GSTM4: variants seen among roughly 807,000 people sequenced by gnomAD.
GSTM4 encodes the protein glutathione S-transferase mu 4, also known as GST class-mu 4.
A neutral mutation model predicts 30.1 loss-of-function variants in GSTM4; 27 were observed. The ratio of observed to expected loss-of-function variants is 0.90; its 90% CI spans 0.66 to 1.24. The LOEUF (loss-of-function observed/expected upper bound fraction) is 1.24. GSTM4 is among the 50% of genes most tolerant of loss of function. The pLI is 0.00. For synonymous variants in GSTM4, 94 were observed against 96.2 expected (o/e 0.98, Z 0.13); for missense variants, 238 against 272.1 (o/e 0.87, Z 0.88).
chr1:109,657,738 T>C (rs560018), intron 4 of GSTM4, 34 bp from the exon 5 acceptor site: 518,775 of 1,613,966 alleles, frequency 0.32, 90,313 homozygotes, highest in Non-Finnish European at 0.37. Context: ...TGGGGTGCTA[T>C]GCTCAGAGTG....
Position 109,657,670 on chromosome 1 carries a change from G to A in GSTM4, c.258G>A (p.Leu86=), listed in dbSNP as rs1191605497. The A allele has an allele frequency of 6.2e-7, 1 of 1,614,260 alleles. No individual in the cohort carries two copies. Among genetic ancestry groups the A allele is most frequent in the Admixed American group, 1.7e-5 (1 of 60,030 alleles). Residue 86 remains leucine, a splice_region_variant and synonymous_variant, in exon 4 of 8, where the codon CTG becomes CTA. Coordinates refer to ENST00000369836, the MANE Select transcript of GSTM4 (RefSeq NM_000850.5). ...ILCYIARKHN[L]CGETEEEKIR... ...GCTACATTGCCCGCAAGCACAACCT[G>A]TGTGAGTGTGGTTGGCTGCAGTGTG...
downstream of GSTM4, among the ~76,000 whole-genome samples, chr1:109,662,222 C>A (rs1412531609): frequency 6.6e-6 from 1 of 152,164 alleles, no homozygotes; most frequent in African/African-American, 2.4e-5. Context: ...GGGCCTAGAT[C>A]TTCATTTATT....
chr1:109,661,050 A>G, intron 7 of GSTM4, 115 bp from the exon 8 acceptor site: 3 of 1,453,220 alleles, frequency 2.1e-6, no homozygotes, highest in Non-Finnish European at 2.8e-6. Flanking sequence ...TCAGCACTTG[A>G]GCCCACGTGG....
rs1652329415 is a variant in GSTM4 at position 109,661,634 on chromosome 1, C to T, written c.*380C>T. On this transcript the variant is annotated 3_prime_UTR_variant, in exon 8 of 8. Coordinates refer to ENST00000369836, the MANE Select transcript of GSTM4 (RefSeq NM_000850.5). The stretch of plus-strand genomic sequence containing the variant: ...TTGCATGACAGCATTGACTGGTTTA[C>T]AGGCCCTGCTCCTGCAGCATGGCCC... 8.5e-7 allele frequency: 1 copy of T among 1,178,790 alleles called. No individual in the cohort carries two copies. Among genetic ancestry groups the T allele is most frequent in the Non-Finnish European group, 1.1e-6 (1 of 948,020 alleles). 73.0% of individuals were successfully genotyped at this position (1,178,790 alleles called of 1,614,324 possible).
At chr1:109,659,379 T>C (rs1439840607) in intron 7 of GSTM4, 4 of 1,469,760 alleles carry the variant, frequency 2.7e-6, no homozygotes, top group Non-Finnish European at 3.6e-6. Context: ...CCAGAGCCAG[T>C]GGAGGCTGTG....
At chr1:109,662,396 G>T (rs521999), downstream of GSTM4, among the ~76,000 whole-genome samples, 2 of 152,046 alleles carry the variant, frequency 1.3e-5, no homozygotes, top group African/African-American at 4.8e-5. Flanking sequence ...TCTCTAGGAC[G>T]CAAGCTCTAC....
In GSTM4 at chr1:109,661,499, T is replaced by G; in HGVS notation, c.*245T>G. 6 of 1,357,828 alleles carry G rather than the reference T, an allele frequency of 4.4e-6. No homozygotes were observed. Among genetic ancestry groups the G allele is most frequent in the East Asian group, 3.0e-5 (1 of 33,730 alleles). The allele number at this position is 1,357,828 out of a possible 1,614,324, so 84.1% of individuals were successfully genotyped here. A position where few individuals can be genotyped will look rare whatever the true frequency, so the allele number is the denominator to read the frequency against. Reference sequence around the variant, plus strand: ...GAACATCCCCCTCCCAACACTACCCTTCCCTGCACTAAAGCCAGCCTGACC... The same window carrying G: ...GAACATCCCCCTCCCAACACTACCCGTCCCTGCACTAAAGCCAGCCTGACC... On this transcript the variant is annotated 3_prime_UTR_variant, in exon 8 of 8. Coordinates refer to ENST00000369836, the MANE Select transcript of GSTM4 (RefSeq NM_000850.5).
Position 109,656,346 on chromosome 1 carries a change from A to C in GSTM4, c.-44A>C, listed in dbSNP as rs768002168. ...GGAACCCCAGAGGAGGTCGCAGTTC[A>C]GCCCAGCTGAGGCCTGTCTGCAGAA... On this transcript the variant is annotated 5_prime_UTR_variant, in exon 1 of 8. Transcript: ENST00000369836. The C allele has an allele frequency of 3.7e-6, 6 of 1,604,338 alleles. No homozygotes were observed. In the Admixed American group the frequency reaches 8.3e-5, roughly 22 times the overall value.
chr1:109,662,063 G>C (rs1652344211), downstream of GSTM4, among the ~76,000 whole-genome samples: 1 of 152,140 alleles, frequency 6.6e-6, no homozygotes, highest in East Asian at 1.9e-4. Context: ...CTGAGCTCAA[G>C]CGATCCTCTT....
At position 109,657,660 on chromosome 1, in the gene GSTM4, A is replaced by G; in HGVS notation, c.248A>G (p.Lys83Arg). The change falls in exon 4 of 8, where the codon AAG (lysine) becomes AGG (arginine). Residue 83 changes from lysine to arginine, a missense_variant. Transcript: ENST00000369836. Reference sequence around the variant, plus strand: ...GCCATCCTGTGCTACATTGCCCGCAAGCACAACCTGTGTGAGTGTGGTTGG... The same window carrying G: ...GCCATCCTGTGCTACATTGCCCGCAGGCACAACCTGTGTGAGTGTGGTTGG... ...SNAILCYIARKHNLCGETEEE... is the reference protein window; with the variant it reads ...SNAILCYIARRHNLCGETEEE... The G allele has an allele frequency of 6.2e-7, 1 of 1,614,260 alleles. No individual in the cohort carries two copies. The highest frequency in any genetic ancestry group is 8.5e-7 in the Non-Finnish European group (1 of 1,180,048).
rs375225696 is a variant in GSTM4, at chr1:109,657,634, C to T, written c.222C>T (p.Asn74=). 68 of 1,614,106 alleles carry T rather than the reference C, an allele frequency of 4.2e-5. No homozygotes were observed. The highest frequency in any genetic ancestry group is 3.6e-4 in the South Asian group (33 of 91,086). Residue 74 remains asparagine (N), a synonymous_variant, in exon 4 of 8, where the codon AAC becomes AAT. Coordinates refer to ENST00000369836, the MANE Select transcript of GSTM4 (RefSeq NM_000850.5). ...GGGCTCACAAGATCACCCAGAGCAA[C>T]GCCATCCTGTGCTACATTGCCCGCA... ...IDGAHKITQS[N]AILCYIARKH...
intron 1 of GSTM4, 100 bp from the exon 2 acceptor site, chr1:109,656,612 G>A: frequency 1.4e-6 from 1 of 731,628 alleles, no homozygotes; most frequent in Non-Finnish European, 2.4e-6. Flanking sequence ...GTGGGGGGGG[G>A]GTGCAGTGCA....
At chr1:109,659,359 G>A (rs1652194343) in intron 7 of GSTM4, 2 of 1,493,322 alleles carry the variant, frequency 1.3e-6, no homozygotes, top group South Asian at 1.4e-5. Context: ...TCAGTCCTTT[G>A]TTCTGGGTCC....
chr1:109,657,540 T>A lies in GSTM4; in HGVS notation c.178-50T>A, dbSNP rs753146331. On this transcript the variant is annotated intron_variant, in intron 3 of 7. Transcript: ENST00000369836. ...GCCCTTGCATATGGGAAGGGGATGC[T>A]GGGGAGCCTGCTGGCCCAACTGAGC... 4 of 1,613,528 alleles carry A rather than the reference T, an allele frequency of 2.5e-6. No homozygotes were observed. In the South Asian group the frequency reaches 4.4e-5, roughly 18 times the overall value.
At chr1:109,662,743 A>C (rs759968954), downstream of GSTM4, among the ~76,000 whole-genome samples, 1 of 152,226 alleles carries the variant, frequency 6.6e-6, no homozygotes, top group Non-Finnish European at 1.5e-5. Context: ...AAGGACTGAC[A>C]ATTGCTGGTG....
rs1046238180 is a variant in GSTM4, at chr1:109,661,477, C to T, written c.*223C>T. 5 of 1,402,916 alleles carry T rather than the reference C, an allele frequency of 3.6e-6. No individual in the cohort carries two copies. The African/African-American group carries it at 5.8e-5, about 16-fold the overall frequency. The allele number at this position is 1,402,916 out of a possible 1,614,324, so 86.9% of individuals were successfully genotyped here. A position where few individuals can be genotyped will look rare whatever the true frequency, so the allele number is the denominator to read the frequency against. ...TCAGCTACCCACTTTCCTTCATGAACATCCCCCTCCCAACACTACCCTTCC... is the reference window on the plus strand; with the variant it reads ...TCAGCTACCCACTTTCCTTCATGAATATCCCCCTCCCAACACTACCCTTCC... On this transcript the variant is annotated 3_prime_UTR_variant, in exon 8 of 8. Transcript: ENST00000369836.
At chr1:109,657,500 C>T (rs1161904301) in intron 3 of GSTM4, 90 bp from the exon 4 acceptor site, 3 of 1,578,890 alleles carry the variant, frequency 1.9e-6, no homozygotes, top group Non-Finnish European at 2.6e-6. Context: ...ACAGTGAGTG[C>T]CTGGTCTCCC....
intron 1 of GSTM4, 112 bp from the exon 2 acceptor site, chr1:109,656,600 G>T: frequency 1.3e-6 from 1 of 755,504 alleles, no homozygotes; most frequent in Non-Finnish European, 2.2e-6. Flanking sequence ...GCGTGCGCCG[G>T]GGTGGGGGGG....
At chr1:109,658,337 G>A (rs2101220557) in intron 5 of GSTM4, 1 of 217,972 alleles carries the variant, frequency 4.6e-6, no homozygotes, top group Admixed American at 5.2e-5. Context: ...CAGCTCAGGG[G>A]CGGCCAGAGG....
Sources: allele counts gnomAD v4.1 joint callset (sites outside exome capture counted in the v4.1 genomes callset), GRCh38; gene constraint gnomAD v4.1.1; transcripts MANE v1.5; gene names NCBI Gene and HGNC (gene_info 2026-07-23, HGNC 2026-07-21).